PTCSC3: variants seen among roughly 807,000 people sequenced by gnomAD.
PTCSC3 encodes papillary thyroid carcinoma susceptibility candidate 3 (non-protein coding).
At chr14:36,143,359 G>A (rs1229825509) in intron 3 of PTCSC3, among the ~76,000 whole-genome samples, 1 of 113,106 alleles carries the variant, frequency 8.8e-6, no homozygotes, top group African/African-American at 3.4e-5. Context: ...TCTAACTGGT[G>A]TGAGATGGTA....
At chr14:36,173,927 G>A (rs771421811) in intron 1 of PTCSC3, among the ~76,000 whole-genome samples, 1 of 152,026 alleles carries the variant, frequency 6.6e-6, no homozygotes, top group African/African-American at 2.4e-5. Context: ...GGACTCCATT[G>A]TTTCTGATGA....
rs531640311 is a variant in PTCSC3, at chr14:36,165,680, A to G, written n.172-2997T>C. 4.6e-5 allele frequency among the ~76,000 whole-genome samples: 7 copies of G among 151,940 alleles called. No individual in the cohort carries two copies. In the East Asian group the frequency reaches 1.4e-3, roughly 29 times the overall value. On this transcript the variant is annotated intron_variant and non_coding_transcript_variant, in intron 1 of 3. Transcript: ENST00000556013. ...ACTGTAGTTTCAGCTAAGGAAGTTA[A>G]TGAAACAGATAGATGGGTATTTCCT... is the stretch of plus-strand genomic sequence containing the variant.
chr14:36,143,825 T>C (rs1424134162), intron 3 of PTCSC3, among the ~76,000 whole-genome samples: 14 of 145,000 alleles, frequency 9.7e-5, no homozygotes, highest in Non-Finnish European at 2.0e-4. Context: ...CATCTTGAAT[T>C]GATTTTTGTA....
intron 3 of PTCSC3, among the ~76,000 whole-genome samples, chr14:36,143,777 T>A (rs1210052502): frequency 1.4e-5 from 2 of 143,522 alleles, no homozygotes; most frequent in African/African-American, 5.1e-5. Flanking sequence ...TCTTCTAGGG[T>A]TTTTATGGTT....
At chr14:36,145,863 C>G (rs199668248) in intron 3 of PTCSC3, among the ~76,000 whole-genome samples, 53,270 of 138,858 alleles carry the variant, frequency 0.38, 7,602 homozygotes, top group Non-Finnish European at 0.49. Context: ...TATGTTGTGT[C>G]TTTGTTCTCG....
intron 3 of PTCSC3, among the ~76,000 whole-genome samples, chr14:36,152,597 G>A (rs1881746824): frequency 6.6e-6 from 1 of 152,034 alleles, no homozygotes; most frequent in Non-Finnish European, 1.5e-5. Context: ...TGAGAACTAC[G>A]ACAACAACAA....
At chr14:36,168,263 C>T (rs953602479) in intron 1 of PTCSC3, among the ~76,000 whole-genome samples, 2 of 151,100 alleles carry the variant, frequency 1.3e-5, no homozygotes, top group South Asian at 2.1e-4. Context: ...GTTCCATTTC[C>T]ATGATCTTTA....
intron 2 of PTCSC3, among the ~76,000 whole-genome samples, chr14:36,161,347 T>C (rs1296913014): frequency 6.6e-6 from 1 of 152,196 alleles, no homozygotes; most frequent in Admixed American, 6.5e-5. Context: ...TTTTTCCTCA[T>C]CTTTGTGGAT....
At chr14:36,135,320 G>A (rs1393573793), downstream of PTCSC3, among the ~76,000 whole-genome samples, 16 of 152,070 alleles carry the variant, frequency 1.1e-4, no homozygotes. Flanking sequence ...TTACCCTAAA[G>A]AGCCCCTGAG....
At chr14:36,170,741 T>G (rs1225112497) in intron 1 of PTCSC3, among the ~76,000 whole-genome samples, 2 of 152,096 alleles carry the variant, frequency 1.3e-5, no homozygotes, top group Non-Finnish European at 2.9e-5. Context: ...AGGTTGCCAA[T>G]GTCTAGTGTG....
At chr14:36,174,875 A>T (rs1882255226) in intron 1 of PTCSC3, among the ~76,000 whole-genome samples, 1 of 152,176 alleles carries the variant, frequency 6.6e-6, no homozygotes, top group Non-Finnish European at 1.5e-5. Context: ...CAAGATGTTA[A>T]TAAATCTCTC....
intron 1 of PTCSC3, among the ~76,000 whole-genome samples, chr14:36,174,854 A>G (rs1036364703): frequency 6.6e-6 from 1 of 152,164 alleles, no homozygotes; most frequent in Non-Finnish European, 1.5e-5. Flanking sequence ...GCTGGATGTC[A>G]GGAGTTTTAA....
intron 3 of PTCSC3, among the ~76,000 whole-genome samples, chr14:36,151,813 G>GCATATTT (rs1227159464): frequency 6.6e-6 from 1 of 152,164 alleles, no homozygotes; most frequent in Non-Finnish European, 1.5e-5. Flanking sequence ...AATGCTCTGG[G>GCATATTT]CATATTTCAA....
intron 2 of PTCSC3, among the ~76,000 whole-genome samples, chr14:36,156,191 T>G (rs1881821837): frequency 1.3e-5 from 2 of 152,266 alleles, no homozygotes; most frequent in Non-Finnish European, 2.9e-5. Flanking sequence ...CATTGCAGAC[T>G]GAGAACAGCT....
intron 2 of PTCSC3, among the ~76,000 whole-genome samples, chr14:36,160,370 G>A (rs1881929203): frequency 6.6e-6 from 1 of 152,126 alleles, no homozygotes. Flanking sequence ...GGTATCTGTT[G>A]TTCCTTATCA....
At chr14:36,161,934 C>G (rs1881964631) in intron 2 of PTCSC3, among the ~76,000 whole-genome samples, 1 of 152,230 alleles carries the variant, frequency 6.6e-6, no homozygotes, top group Non-Finnish European at 1.5e-5. Context: ...GAGACGCAGT[C>G]TGGCTGCAGT....
intron 3 of PTCSC3, among the ~76,000 whole-genome samples, chr14:36,140,754 A>G (rs1881400681): frequency 6.6e-6 from 1 of 152,062 alleles, no homozygotes; most frequent in South Asian, 2.1e-4. Context: ...ATGAAGTCCA[A>G]CTTGATTTCT....
intron 1 of PTCSC3, among the ~76,000 whole-genome samples, chr14:36,176,119 G>A (rs1244276417): frequency 2.6e-5 from 4 of 152,150 alleles, no homozygotes; most frequent in Non-Finnish European, 5.9e-5. Flanking sequence ...TGATTAAACT[G>A]TCCTTTCTCC....
downstream of PTCSC3, among the ~76,000 whole-genome samples, chr14:36,135,501 G>A (rs181499886): frequency 3.3e-5 from 5 of 152,236 alleles, no homozygotes; most frequent in East Asian, 7.7e-4. Context: ...CTTAAAGAAG[G>A]TTGTCAATTA....
Sources: allele counts gnomAD v4.1 joint callset (sites outside exome capture counted in the v4.1 genomes callset), GRCh38; gene constraint gnomAD v4.1.1; transcripts MANE v1.5; gene names NCBI Gene and HGNC (gene_info 2026-07-23, HGNC 2026-07-21).